The following CPE variants were observed in gnomAD, a reference collection of about 807,000 sequenced individuals.
The protein encoded by CPE is carbocypeptidase E.
A neutral mutation model predicts 53.5 loss-of-function variants in CPE; 17 were observed. That is an observed-to-expected ratio of 0.32 (90% CI 0.22 to 0.48). The LOEUF (loss-of-function observed/expected upper bound fraction) is 0.48, where lower values mean the gene tolerates loss of function less well. Among genes scored for constraint, CPE ranks in the 20% least tolerant of loss-of-function variants. CPE has a pLI of 0.99. For missense variants in CPE, 524 were observed against 614.7 expected, an observed-to-expected ratio of 0.85 and a Z score of 1.56; for synonymous variants, 226 against 228.8, an observed-to-expected ratio of 0.99 and a Z score of 0.11.
chr4:165,497,150 G>C (rs114460195), intron 8 of CPE, among the ~76,000 whole-genome samples: 7,975 of 152,174 alleles, frequency 0.052, 347 homozygotes, highest in East Asian at 0.19. Context: ...TCGAATTCTT[G>C]ACCTTGTGAT....
chr4:165,452,656 A>G (rs779898454), intron 1 of CPE, among the ~76,000 whole-genome samples: 1 of 152,192 alleles, frequency 6.6e-6, no homozygotes, highest in Non-Finnish European at 1.5e-5. Flanking sequence ...AAAAGGCCAT[A>G]ACCCACAAAT....
chr4:165,459,539 A>G (rs1009040217), intron 1 of CPE, among the ~76,000 whole-genome samples: 5 of 152,108 alleles, frequency 3.3e-5, no homozygotes, highest in Non-Finnish European at 5.9e-5. Flanking sequence ...TGCTGAGCCT[A>G]TGAAGTGCAA....
intron 1 of CPE, among the ~76,000 whole-genome samples, chr4:165,388,869 A>G (rs930334672): frequency 1.5e-4 from 23 of 152,180 alleles, no homozygotes; most frequent in African/African-American, 5.5e-4. Context: ...TTCAGCACAG[A>G]TTTTTTTTCT....
At chr4:165,468,876 A>C (rs1487490946) in intron 3 of CPE, among the ~76,000 whole-genome samples, 2 of 152,236 alleles carry the variant, frequency 1.3e-5, no homozygotes, top group Admixed American at 1.3e-4. Context: ...TGAAAACTTA[A>C]TGTGATGGTT....
chr4:165,429,645 T>C (rs1173272513), intron 1 of CPE, among the ~76,000 whole-genome samples: 1 of 151,190 alleles, frequency 6.6e-6, no homozygotes, highest in Non-Finnish European at 1.5e-5. Flanking sequence ...GAGGATGCAA[T>C]GAATCGAGAT....
At chr4:165,410,025 A>G (rs1731011914) in intron 1 of CPE, among the ~76,000 whole-genome samples, 1 of 152,134 alleles carries the variant, frequency 6.6e-6, no homozygotes. Context: ...AGGTGGGTGG[A>G]TCACCTGAGG....
In CPE at chr4:165,487,656, C is replaced by A. The variant is rs945281649; in HGVS notation, c.1113+79C>A. The A allele has an allele frequency of 1.7e-5, 25 of 1,478,104 alleles. No individual in the cohort carries two copies. The Admixed American group carries it at 4.6e-4, about 27-fold the overall frequency. 91.6% of individuals were successfully genotyped at this position (1,478,104 alleles called of 1,614,324 possible). A position where few individuals can be genotyped will look rare whatever the true frequency, so the allele number is the denominator to read the frequency against. On this transcript the variant is annotated intron_variant, in intron 6 of 8. Coordinates refer to ENST00000402744, the MANE Select transcript of CPE (RefSeq NM_001873.4). ...CCTACAATGGTCTTGTAAGAGGAGT[C>A]CAGGAGAATCCGTCTGGTGCAGAAT... is the stretch of plus-strand genomic sequence containing the variant.
chr4:165,434,054 C>T (rs1731455656), intron 1 of CPE, among the ~76,000 whole-genome samples: 2 of 152,076 alleles, frequency 1.3e-5, no homozygotes, highest in Non-Finnish European at 1.5e-5. Flanking sequence ...TAAATGTTAC[C>T]TTCTCAGGGA....
intron 1 of CPE, among the ~76,000 whole-genome samples, chr4:165,444,024 C>A (rs1383676119): frequency 2.6e-5 from 4 of 152,184 alleles, no homozygotes; most frequent in Non-Finnish European, 4.4e-5. Flanking sequence ...GCCATCCTAG[C>A]ATTCTGAACT....
chr4:165,398,471 T>C (rs1024831212), intron 1 of CPE, among the ~76,000 whole-genome samples: 22 of 152,140 alleles, frequency 1.4e-4, no homozygotes, highest in African/African-American at 5.1e-4. Context: ...TACACACACA[T>C]TTAAATGGAG....
intron 1 of CPE, among the ~76,000 whole-genome samples, chr4:165,425,719 C>T (rs7695422): frequency 0.3 from 44,914 of 151,410 alleles, 6,726 homozygotes; most frequent in Middle Eastern, 0.4. Context: ...AAGTAGTTCT[C>T]AAATGGGTGA....
At chr4:165,442,838 G>A (rs1298926006) in intron 1 of CPE, among the ~76,000 whole-genome samples, 2 of 152,118 alleles carry the variant, frequency 1.3e-5, no homozygotes, top group East Asian at 3.9e-4. Context: ...CTGATTCTGT[G>A]CCATTAAGTC....
chr4:165,391,331 C>T (rs1321661583), intron 1 of CPE, among the ~76,000 whole-genome samples: 1 of 151,996 alleles, frequency 6.6e-6, no homozygotes, highest in Non-Finnish European at 1.5e-5. Context: ...TTCATGGGCT[C>T]CATAAAGACA....
intron 1 of CPE, among the ~76,000 whole-genome samples, chr4:165,381,676 C>T (rs1730506629): frequency 6.6e-6 from 1 of 152,052 alleles, no homozygotes; most frequent in Non-Finnish European, 1.5e-5. Context: ...AGGTGATATC[C>T]CCCTCCATCA....
chr4:165,399,428 G>A (rs1187937137), intron 1 of CPE, among the ~76,000 whole-genome samples: 2 of 152,196 alleles, frequency 1.3e-5, no homozygotes, highest in South Asian at 2.1e-4. Context: ...GCAGTGGCAC[G>A]ATCTCGGCTC....
At chr4:165,386,959 G>A (rs941618568) in intron 1 of CPE, among the ~76,000 whole-genome samples, 3 of 152,180 alleles carry the variant, frequency 2.0e-5, no homozygotes, top group South Asian at 2.1e-4. Context: ...TCCGAGCTAC[G>A]TGATGGGTCA....
intron 1 of CPE, among the ~76,000 whole-genome samples, chr4:165,384,726 T>G (rs1009401148): frequency 1.3e-5 from 2 of 152,172 alleles, no homozygotes; most frequent in African/African-American, 4.8e-5. Context: ...GATTCATTTG[T>G]CACATGAGAC....
At chr4:165,470,861 A>G (rs1340171955) in intron 3 of CPE, among the ~76,000 whole-genome samples, 2 of 152,136 alleles carry the variant, frequency 1.3e-5, no homozygotes, top group African/African-American at 2.4e-5. Flanking sequence ...CTGTCAGGGT[A>G]GGATGGCTCC....
chr4:165,381,802 A>G (rs1258661199), intron 1 of CPE, among the ~76,000 whole-genome samples: 2 of 152,248 alleles, frequency 1.3e-5, no homozygotes, highest in African/African-American at 4.8e-5. Flanking sequence ...AAGTTTGGAA[A>G]AAGGAAAATG....
Sources: gnomAD v4.1 joint callset for allele counts (sites outside exome capture counted in the v4.1 genomes callset) on GRCh38, gnomAD v4.1.1 for gene constraint, MANE v1.5 for transcripts, NCBI Gene and HGNC (gene_info 2026-07-23, HGNC 2026-07-21) for gene names.